TTC21B: variants seen among roughly 807,000 people sequenced by gnomAD.
TTC21B encodes the protein tetratricopeptide repeat domain 21B, also known as tetratricopeptide repeat protein 21B.
Under a neutral mutation model 175.1 loss-of-function variants are expected in TTC21B, and 127 were observed. That is an observed-to-expected ratio of 0.73 (90% CI 0.63 to 0.84). TTC21B has a LOEUF of 0.84. Among genes scored for constraint, TTC21B ranks in the 40% least tolerant of loss-of-function variants. The pLI, the probability that TTC21B is intolerant of heterozygous loss-of-function variation, is 0.00. For missense variants in TTC21B, 1,561 were observed against 1,558.3 expected, an observed-to-expected ratio of 1.00 and a Z score of -0.03; for synonymous variants, 524 against 524.5, an observed-to-expected ratio of 1.00 and a Z score of 0.01.
chr2:165,941,272 T>C, intron 5 of TTC21B, 88 bp from the exon 6 acceptor site: 5 of 1,434,140 alleles, frequency 3.5e-6, no homozygotes, highest in Non-Finnish European at 4.9e-6. Flanking sequence ...TATGAGCGTT[T>C]AATACTTACT....
At position 165,892,510 on chromosome 2, in the gene TTC21B, A is replaced by T. The variant is rs566912679; in HGVS notation, c.2951-1522T>A. 2.6e-5 allele frequency among the ~76,000 whole-genome samples: 4 copies of T among 152,326 alleles called. No homozygotes were observed. The East Asian group carries it at 7.7e-4, about 29-fold the overall frequency. On this transcript the variant is annotated intron_variant, in intron 22 of 28. Transcript: ENST00000243344. Reference sequence around the variant, plus strand: ...TAATCAAAATGTAGTATGTACATATAAAGGAATATTGTATATTGTATGTCT... The same window carrying T: ...TAATCAAAATGTAGTATGTACATATTAAGGAATATTGTATATTGTATGTCT...
chr2:165,890,848 G>A lies in TTC21B; in HGVS notation c.3091C>T (p.Leu1031=). 6 of 1,613,012 alleles carry A rather than the reference G, an allele frequency of 3.7e-6. No individual in the cohort carries two copies. Among genetic ancestry groups the A allele is most frequent in the Non-Finnish European group, 5.1e-6 (6 of 1,179,452 alleles). Residue 1031 remains leucine, a synonymous_variant, in exon 23 of 29, where the codon CTG becomes TTG. Transcript: ENST00000243344. ...TGTAAATAGATTTACCAAAGATACA[G>A]TCCTTTACAATACTGAAATCCTGGT... ...LEPGFQYCKG[L]YLWYTGEPND... is the part of the protein sequence containing the mutation.
At chr2:165,940,210 C>T (rs992604434) in intron 6 of TTC21B, among the ~76,000 whole-genome samples, 1 of 152,132 alleles carries the variant, frequency 6.6e-6, no homozygotes, top group Non-Finnish European at 1.5e-5. Context: ...GGGCCTGCCC[C>T]GACCATTTCT....
intron 1 of TTC21B, chr2:165,949,972 G>T: frequency 3.1e-6 from 1 of 322,216 alleles, no homozygotes; most frequent in Non-Finnish European, 5.7e-6. Flanking sequence ...CTAAGTTTTT[G>T]TTAACAGCAC....
intron 16 of TTC21B, among the ~76,000 whole-genome samples, chr2:165,913,044 A>AT (rs397692157): frequency 0.29 from 42,522 of 147,012 alleles, 6,381 homozygotes; most frequent in Middle Eastern, 0.45. Flanking sequence ...TCAACTCTAC[A>AT]TTTTTTTTTT....
At chr2:165,921,099 T>C (rs1686388415) in intron 12 of TTC21B, among the ~76,000 whole-genome samples, 1 of 152,168 alleles carries the variant, frequency 6.6e-6, no homozygotes, top group Non-Finnish European at 1.5e-5. Context: ...AAGAGAATCA[T>C]GGTGTGCCCC....
At chr2:165,891,102 T>A in intron 22 of TTC21B, 114 bp from the exon 23 acceptor site, 1 of 945,740 alleles carries the variant, frequency 1.1e-6, no homozygotes, top group Non-Finnish European at 1.6e-6. Context: ...ATTTTAAATA[T>A]AAATAAAAAA....
chr2:165,913,499 T>A, intron 16 of TTC21B, 75 bp downstream of exon 16: 4 of 948,700 alleles, frequency 4.2e-6, no homozygotes, highest in Non-Finnish European at 6.7e-6. Flanking sequence ...TTAAAAAACA[T>A]TCCTTTTAAT....
At chr2:165,902,058 G>T in intron 19 of TTC21B, 148 bp from the exon 20 acceptor site, 1 of 728,074 alleles carries the variant, frequency 1.4e-6, no homozygotes, top group Non-Finnish European at 2.3e-6. Context: ...GTCTTATTGA[G>T]ATCTCAAGCA....
At chr2:165,931,514 G>T (rs1686905170) in intron 8 of TTC21B, among the ~76,000 whole-genome samples, 1 of 152,044 alleles carries the variant, frequency 6.6e-6, no homozygotes, top group Non-Finnish European at 1.5e-5. Flanking sequence ...TATTTCCTTT[G>T]TCTGGAAGGC....
At chr2:165,934,517 A>AAAAAAAAAAAAAAAAAAAAAAG (rs1553514802) in intron 6 of TTC21B, among the ~76,000 whole-genome samples, 3 of 116,526 alleles carry the variant, frequency 2.6e-5, no homozygotes, top group African/African-American at 9.7e-5. Flanking sequence ...AAAAAAAAAA[A>AAAAAAAAAAAAAAAAAAAAAAG]AAAAGAAAAG....
chr2:165,911,205 G>T, intron 18 of TTC21B, 122 bp downstream of exon 18: 5 of 1,178,826 alleles, frequency 4.2e-6, no homozygotes, highest in East Asian at 2.5e-5. Flanking sequence ...GAAAAAATAC[G>T]CATGTATTTA....
intron 15 of TTC21B, among the ~76,000 whole-genome samples, chr2:165,914,657 C>CTCTGTGTGTGTGTGTGTGTGTGTG: frequency 8.5e-6 from 1 of 118,174 alleles, no homozygotes; most frequent in South Asian, 2.7e-4. Context: ...GAAGAGCAAT[C>CTCTGTGTGTGTGTGTGTGTGTGTG]TGTGTGTGTG....
At chr2:165,931,482 C>T (rs1260982173) in intron 8 of TTC21B, among the ~76,000 whole-genome samples, 5 of 152,064 alleles carry the variant, frequency 3.3e-5, no homozygotes, top group Non-Finnish European at 7.4e-5. Context: ...ATCTTATGCT[C>T]TGATGAAAAT....
intron 17 of TTC21B, among the ~76,000 whole-genome samples, chr2:165,912,079 T>C (rs1457062728): frequency 6.6e-6 from 1 of 152,170 alleles, no homozygotes; most frequent in South Asian, 2.1e-4. Flanking sequence ...TTGCTAGCTG[T>C]TGTACATATG....
intron 22 of TTC21B, among the ~76,000 whole-genome samples, chr2:165,893,499 C>T (rs1378155946): frequency 6.6e-6 from 1 of 152,104 alleles, no homozygotes; most frequent in Non-Finnish European, 1.5e-5. Context: ...ATTACATTCA[C>T]TTGTCTTTGG....
At position 165,938,168 on chromosome 2, in the gene TTC21B, C is replaced by T. The variant is rs146054304; in HGVS notation, c.710+2859G>A. ...AAACAAACAAACCTGAGCCACTAATCAATTACCAATGAAGGATGCTAAGGA... is the reference window on the plus strand; with the variant it reads ...AAACAAACAAACCTGAGCCACTAATTAATTACCAATGAAGGATGCTAAGGA... On this transcript the variant is annotated intron_variant, in intron 6 of 28. Coordinates refer to ENST00000243344, the MANE Select transcript of TTC21B (RefSeq NM_024753.5). Among the ~76,000 whole-genome samples the T allele has an allele frequency of 3.3e-5, 5 of 151,678 alleles. No homozygotes were observed. In the East Asian group the frequency reaches 9.7e-4, roughly 29 times the overall value.
intron 26 of TTC21B, 141 bp from the exon 27 acceptor site, chr2:165,880,940 C>T (rs1450231261): frequency 2.4e-6 from 2 of 844,756 alleles, no homozygotes; most frequent in Non-Finnish European, 3.7e-6. Flanking sequence ...GCTAGGCAAT[C>T]AAATTTTTTA....
Position 165,913,662 on chromosome 2 carries a change from A to G in TTC21B, c.2139-16T>C. The G allele has an allele frequency of 1.3e-6, 2 of 1,597,042 alleles. No homozygotes were observed. Among genetic ancestry groups the G allele is most frequent in the Non-Finnish European group, 1.7e-6 (2 of 1,164,674 alleles). ...AGCAATTTCTCTGGAAATCAGACCAACATTACTTAGCATATTGAACACAGA... is the reference window on the plus strand; with the variant it reads ...AGCAATTTCTCTGGAAATCAGACCAGCATTACTTAGCATATTGAACACAGA... On this transcript the variant is annotated splice_polypyrimidine_tract_variant and intron_variant, in intron 15 of 28. Transcript: ENST00000243344.
Sources: allele counts gnomAD v4.1 joint callset (sites outside exome capture counted in the v4.1 genomes callset), GRCh38; gene constraint gnomAD v4.1.1; transcripts MANE v1.5; gene names NCBI Gene and HGNC (gene_info 2026-07-23, HGNC 2026-07-21).